The following ERP27 variants were observed in gnomAD, a reference collection of about 807,000 sequenced individuals.
The protein encoded by ERP27 is endoplasmic reticulum protein 27.
A neutral mutation model predicts 27.7 loss-of-function variants in ERP27; 23 were observed. The ratio of observed to expected loss-of-function variants is 0.83; its 90% CI spans 0.60 to 1.18. ERP27 has a LOEUF of 1.18. ERP27 is among the 50% of genes most tolerant of loss of function. The pLI is 0.00. For missense variants in ERP27, 363 were observed against 327.9 expected, an observed-to-expected ratio of 1.11 and a Z score of -0.83; for synonymous variants, 159 against 118.3, an observed-to-expected ratio of 1.34 and a Z score of -2.23.
intron 3 of ERP27, among the ~76,000 whole-genome samples, chr12:14,925,343 C>T (rs1348192552): frequency 2.0e-5 from 3 of 152,214 alleles, no homozygotes; most frequent in Non-Finnish European, 2.9e-5. Context: ...AAGGGTCATT[C>T]CATGTTTTTA....
chr12:14,927,982 A>G (rs1457072427), intron 3 of ERP27, among the ~76,000 whole-genome samples: 1 of 152,144 alleles, frequency 6.6e-6, no homozygotes, highest in Non-Finnish European at 1.5e-5. Context: ...ACTCATACCC[A>G]TAAAGACACA....
At chr12:14,923,712 A>T (rs1453525966) in intron 3 of ERP27, among the ~76,000 whole-genome samples, 1 of 152,104 alleles carries the variant, frequency 6.6e-6, no homozygotes, top group African/African-American at 2.4e-5. Context: ...CTATTTTATT[A>T]TATTTTACTT....
At chr12:14,936,980 T>C (rs1863782831) in intron 2 of ERP27, among the ~76,000 whole-genome samples, 1 of 152,154 alleles carries the variant, frequency 6.6e-6, no homozygotes, top group African/African-American at 2.4e-5. Context: ...CAATAATTAA[T>C]TGAGGCCTCC....
intron 3 of ERP27, chr12:14,928,857 A>C: frequency 7.4e-7 from 1 of 1,349,036 alleles, no homozygotes; most frequent in East Asian, 2.5e-5. Context: ...TCCCTTGCCC[A>C]TATCAAGACG....
chr12:14,936,466 A>G (rs1036014781), intron 2 of ERP27, among the ~76,000 whole-genome samples: 1 of 152,176 alleles, frequency 6.6e-6, no homozygotes, highest in Non-Finnish European at 1.5e-5. Flanking sequence ...GCTCCAGGAA[A>G]TTAACAGGAA....
At chr12:14,923,412 T>C (rs1863540059) in intron 3 of ERP27, among the ~76,000 whole-genome samples, 1 of 151,292 alleles carries the variant, frequency 6.6e-6, no homozygotes, top group Non-Finnish European at 1.5e-5. Flanking sequence ...TATTTACCAC[T>C]ATATATATAA....
intron 4 of ERP27, among the ~76,000 whole-genome samples, chr12:14,920,684 C>T (rs1242034103): frequency 1.3e-5 from 2 of 152,114 alleles, no homozygotes; most frequent in Non-Finnish European, 2.9e-5. Context: ...GAGTTAGTCA[C>T]CTTAACTGTG....
intron 3 of ERP27, among the ~76,000 whole-genome samples, chr12:14,926,851 T>C (rs1255973999): frequency 2.6e-5 from 4 of 152,234 alleles, no homozygotes; most frequent in Admixed American, 2.6e-4. Flanking sequence ...CATATTTGCA[T>C]TTTAGCTTCT....
Position 14,938,024 on chromosome 12 carries a change from C to A in ERP27, c.123G>T (p.Thr41=). The stretch of plus-strand genomic sequence containing the variant: ...TGGCAGCTGGGACATCTGTGAGCCA[C>A]GTGGGTTCCTGGGCAGCACCAGGAC... The part of the protein sequence containing the change: ...SDGPGAAQEP[T]WLTDVPAAME... Residue 41 remains threonine (T), a synonymous_variant, in exon 2 of 7, where the codon ACG becomes ACT. Transcript: ENST00000266397. 6.2e-7 allele frequency: 1 copy of A among 1,614,070 alleles called. No homozygotes were observed. The highest frequency in any genetic ancestry group is 8.5e-7 in the Non-Finnish European group (1 of 1,179,966).
intron 3 of ERP27, among the ~76,000 whole-genome samples, chr12:14,926,183 A>G (rs796117278): frequency 2.6e-5 from 4 of 152,318 alleles, no homozygotes; most frequent in African/African-American, 9.6e-5. Flanking sequence ...GATAAATGCA[A>G]ATTTAGAATT....
Position 14,938,476 on chromosome 12 carries a change from G to A in ERP27, c.33C>T (p.Leu11=), listed in dbSNP as rs139983038. 61 of 1,613,998 alleles carry A rather than the reference G, an allele frequency of 3.8e-5. No individual in the cohort carries two copies. The East Asian group carries it at 1.3e-3, about 35-fold the overall frequency. MEAAPSRFMF[L]LFLLTCELAA... ...CCAGCTCACACGTGAGGAGAAATAAGAGGAACATGAACCTGGACGGGGCAG... is the reference window on the plus strand; with the variant it reads ...CCAGCTCACACGTGAGGAGAAATAAAAGGAACATGAACCTGGACGGGGCAG... Residue 11 remains leucine (L), a synonymous_variant, in exon 1 of 7, where the codon CTC becomes CTT. Transcript: ENST00000266397.
Position 14,936,018 on chromosome 12 carries a change from G to A in ERP27, c.196-1025C>T, listed in dbSNP as rs139111581. 2.0e-4 allele frequency among the ~76,000 whole-genome samples: 31 copies of A among 152,188 alleles called. No homozygotes were observed. In the East Asian group the frequency reaches 3.5e-3, roughly 17 times the overall value. On this transcript the variant is annotated intron_variant, in intron 2 of 6. Transcript: ENST00000266397. ...ATTACAGGTGTGAGTCACTGTGCCC[G>A]GCCAAGATGTACTTTAGGATGCTAG...
chr12:14,922,937 T>C (rs1047022395), intron 3 of ERP27, among the ~76,000 whole-genome samples: 1 of 152,012 alleles, frequency 6.6e-6, no homozygotes, highest in African/African-American at 2.4e-5. Context: ...TAGCTGGTGG[T>C]GCACGCCTGT....
At chr12:14,933,131 C>A (rs951092894) in intron 3 of ERP27, among the ~76,000 whole-genome samples, 3 of 152,156 alleles carry the variant, frequency 2.0e-5, no homozygotes, top group Non-Finnish European at 2.9e-5. Context: ...TAAACAAATA[C>A]TTAGTGAGCA....
chr12:14,933,697 C>T (rs1863731552), intron 3 of ERP27, among the ~76,000 whole-genome samples: 1 of 152,200 alleles, frequency 6.6e-6, no homozygotes, highest in Non-Finnish European at 1.5e-5. Context: ...AAGTAGAACT[C>T]AATGACCAAT....
chr12:14,937,162 T>C (rs1436306904), intron 2 of ERP27, among the ~76,000 whole-genome samples: 1 of 152,228 alleles, frequency 6.6e-6, no homozygotes, highest in Non-Finnish European at 1.5e-5. Context: ...ATGTTGTCCC[T>C]GTCTTTCTCC....
chr12:14,914,639 C>T lies in ERP27; in HGVS notation c.*96G>A, dbSNP rs1259844131. On this transcript the variant is annotated 3_prime_UTR_variant, in exon 7 of 7. Transcript: ENST00000266397. ...GTGCGTGTGTGTGTGGTTGGCAGGC[C>T]TAGTGATCCTGTTGTTTAGTGTCTC... 14 of 1,173,308 alleles carry T rather than the reference C, an allele frequency of 1.2e-5. No individual in the cohort carries two copies. The highest frequency in any genetic ancestry group is 1.6e-5 in the Non-Finnish European group (13 of 806,436). 72.7% of individuals were successfully genotyped at this position (1,173,308 alleles called of 1,614,324 possible).
Position 14,938,047 on chromosome 12 carries a change from GA to G in ERP27, c.99del (p.Pro34LeufsTer28), listed in dbSNP as rs780839293. 1 of 1,613,700 alleles carries G rather than the reference GA, an allele frequency of 6.2e-7. No individual in the cohort carries two copies. Among genetic ancestry groups the G allele is most frequent in the East Asian group, 2.2e-5 (1 of 44,878 alleles). ...VAAEVEKSSD[G>X]PGAAQEPTWL... ...CACGTGGGTTCCTGGGCAGCACCAGGACCATCTAGAGAGAGAAGCAGAAGAT... is the reference window on the plus strand; with the variant it reads ...CACGTGGGTTCCTGGGCAGCACCAGGCCATCTAGAGAGAGAAGCAGAAGAT... On this transcript the variant is annotated frameshift_variant, in exon 2 of 7. Transcript: ENST00000266397. LOFTEE classifies it high-confidence loss of function.
At position 14,934,897 on chromosome 12, in the gene ERP27, G is replaced by C; in HGVS notation, c.292C>G (p.His98Asp). The change falls in exon 3 of 7, where the codon CAC (histidine) becomes GAC (aspartate). Residue 98 changes from histidine (H) to aspartate (D), a missense_variant. Coordinates refer to ENST00000266397, the MANE Select transcript of ERP27 (RefSeq NM_152321.4). ...ATGGTGTTCCCAGTGATGTTGTAGT[G>C]TGTCAGAACCTCAGAATCAGTGCTG... ...GISTDSEVLTHYNITGNTICL... is the reference protein window; with the variant it reads ...GISTDSEVLTDYNITGNTICL... The C allele has an allele frequency of 6.2e-7, 1 of 1,614,108 alleles. No homozygotes were observed. Among genetic ancestry groups the C allele is most frequent in the Non-Finnish European group, 8.5e-7 (1 of 1,179,982 alleles).
Sources: gnomAD v4.1 joint callset for allele counts (sites outside exome capture counted in the v4.1 genomes callset) on GRCh38, gnomAD v4.1.1 for gene constraint, MANE v1.5 for transcripts, NCBI Gene and HGNC (gene_info 2026-07-23, HGNC 2026-07-21) for gene names.